CACNG7: variants seen among roughly 807,000 people sequenced by gnomAD.
The protein encoded by CACNG7 is calcium voltage-gated channel auxiliary subunit gamma 7.
Under a neutral mutation model 26.3 loss-of-function variants are expected in CACNG7, and 9 were observed. The observed-to-expected ratio is 0.34, with a 90% CI of 0.21 to 0.60. The LOEUF (loss-of-function observed/expected upper bound fraction) is 0.60, where lower values mean the gene tolerates loss of function less well. Among genes scored for constraint, CACNG7 ranks in the 20% least tolerant of loss-of-function variants. The probability of loss-of-function intolerance (pLI) is 0.81; values close to 1 mark genes in which losing one functional copy is unlikely to be tolerated. For synonymous variants in CACNG7, 170 were observed against 157.0 expected (o/e 1.08, Z -0.62); for missense variants, 297 against 380.4 (o/e 0.78, Z 1.82).
At chr19:53,919,024 C>T (rs1013342009) in intron 4 of CACNG7, among the ~76,000 whole-genome samples, 3 of 152,218 alleles carry the variant, frequency 2.0e-5, no homozygotes, top group African/African-American at 7.2e-5. Context: ...CCCGCCTCGG[C>T]CTCCCGAAGT....
intron 1 of CACNG7, among the ~76,000 whole-genome samples, chr19:53,910,298 G>A (rs1033495459): frequency 1.3e-5 from 2 of 151,442 alleles, no homozygotes; most frequent in African/African-American, 4.9e-5. Context: ...CGCCAGGCGG[G>A]GGATGGGAGG....
Position 53,912,992 on chromosome 19 carries a change from T to G in CACNG7, c.161T>G (p.Leu54Arg). ...CAGACCACCGAGGTCAAGATGGCCCTGCACGCCGGCCTCTGGCGAGTCTGC... is the reference window on the plus strand; with the variant it reads ...CAGACCACCGAGGTCAAGATGGCCCGGCACGCCGGCCTCTGGCGAGTCTGC... ...QNQTTEVKMA[L>R]HAGLWRVCFF... Residue 54 changes from leucine to arginine, a missense_variant, in exon 2 of 6, where the codon CTG (leucine) becomes CGG (arginine). By Grantham distance (102) the Leu-to-Arg change is moderately radical. Transcript: ENST00000391767. The surrounding 1 kb of genome is among the most constrained non-coding windows in gnomAD (Gnocchi z 4.6). 1 of 1,612,998 alleles carries G rather than the reference T, an allele frequency of 6.2e-7. No individual in the cohort carries two copies. The highest frequency in any genetic ancestry group is 8.5e-7 in the Non-Finnish European group (1 of 1,179,146).
In CACNG7 at chr19:53,942,418, T is replaced by A; in HGVS notation, c.*125T>A. On this transcript the variant is annotated 3_prime_UTR_variant, in exon 6 of 6. Coordinates refer to ENST00000391767, the MANE Select transcript of CACNG7 (RefSeq NM_031896.5). The surrounding 1 kb of genome is among the most constrained non-coding windows in gnomAD (Gnocchi z 5.9). ...CCCACCCGGAGGAGGCTGCGCCAGCTTTAGGCCCCGCCCTCCTCCCAATGG... is the reference window on the plus strand; with the variant it reads ...CCCACCCGGAGGAGGCTGCGCCAGCATTAGGCCCCGCCCTCCTCCCAATGG... 2 of 1,501,330 alleles carry A rather than the reference T, an allele frequency of 1.3e-6. No individual in the cohort carries two copies. Among genetic ancestry groups the A allele is most frequent in the Non-Finnish European group, 1.8e-6 (2 of 1,130,422 alleles). 93.0% of individuals were successfully genotyped at this position (1,501,330 alleles called of 1,614,324 possible). A position where few individuals can be genotyped will look rare whatever the true frequency, so the allele number is the denominator to read the frequency against.
At chr19:53,926,849 G>T (rs2069034863) in intron 4 of CACNG7, among the ~76,000 whole-genome samples, 1 of 152,190 alleles carries the variant, frequency 6.6e-6, no homozygotes, top group South Asian at 2.1e-4. Context: ...GAAGGTGAAG[G>T]CTGCACTAAG....
At chr19:53,924,502 C>G (rs1266931134) in intron 4 of CACNG7, among the ~76,000 whole-genome samples, 1 of 148,238 alleles carries the variant, frequency 6.7e-6, no homozygotes, top group Non-Finnish European at 1.5e-5. Context: ...GGAGTTGTCC[C>G]CAGGCCTGGT....
At chr19:53,935,616 C>T (rs998484433) in intron 4 of CACNG7, among the ~76,000 whole-genome samples, 1 of 150,466 alleles carries the variant, frequency 6.6e-6, no homozygotes, top group Non-Finnish European at 1.5e-5. Context: ...AGCCACCGCC[C>T]CCACCCTCCA....
rs1433460506 is a variant in CACNG7 at position 53,940,984 on chromosome 19, C to T, written c.425-486C>T. ...GCTGAGGCAGGAGAATCGCTTGAAC[C>T]TGGGAGGTTGAAGGTTGCGGTGAGC... On this transcript the variant is annotated intron_variant, in intron 4 of 5. Transcript: ENST00000391767. The surrounding 1 kb of genome is among the most constrained non-coding windows in gnomAD (Gnocchi z 4.1). Among the ~76,000 whole-genome samples, 2 of 151,806 alleles carry T rather than the reference C, an allele frequency of 1.3e-5. No homozygotes were observed. The highest frequency in any genetic ancestry group is 2.9e-5 in the Non-Finnish European group (2 of 67,958).
intron 4 of CACNG7, among the ~76,000 whole-genome samples, chr19:53,917,313 T>C (rs1000829273): frequency 6.6e-6 from 1 of 152,220 alleles, no homozygotes; most frequent in African/African-American, 2.4e-5. Context: ...CAGGTTCTTG[T>C]AATTCAGTTG....
chr19:53,924,338 G>C (rs1269001867), intron 4 of CACNG7, among the ~76,000 whole-genome samples: 137 of 101,742 alleles, frequency 1.3e-3, no homozygotes, highest in African/African-American at 5.5e-3. Flanking sequence ...TGGACTTGCC[G>C]CAGGTCTGGT....
At chr19:53,938,085 G>A (rs1009315434) in intron 4 of CACNG7, among the ~76,000 whole-genome samples, 23 of 152,038 alleles carry the variant, frequency 1.5e-4, no homozygotes, top group African/African-American at 5.3e-4. Flanking sequence ...GGTGGCTCAC[G>A]CTTGTAATCC....
rs74209854 is a variant in CACNG7 at position 53,923,108 on chromosome 19, T to C, written c.424+7603T>C. On this transcript the variant is annotated intron_variant, in intron 4 of 5. Coordinates refer to ENST00000391767, the MANE Select transcript of CACNG7 (RefSeq NM_031896.5). ...GGTGGAGTTGTCCCAGGCTGGTCAT[T>C]GGTGGAGTTGCCCCAGGTCTGGTCA... Among the ~76,000 whole-genome samples, 986 of 104,388 alleles carry C rather than the reference T, an allele frequency of 9.4e-3. 7 individuals carry two copies. Among genetic ancestry groups the C allele is most frequent in the Middle Eastern group, 0.019 (3 of 162 alleles). 68.5% of individuals were successfully genotyped at this position (104,388 alleles called of 152,430 possible). A position where few individuals can be genotyped will look rare whatever the true frequency, so the allele number is the denominator to read the frequency against.
intron 4 of CACNG7, among the ~76,000 whole-genome samples, chr19:53,922,663 TCCCAGGCTGGTCATTGGTGGAGTTGC>T (rs2068971621): frequency 1.6e-5 from 1 of 64,474 alleles, no homozygotes; most frequent in Non-Finnish European, 2.5e-5. Flanking sequence ...GGTGCAGTTG[TCCCAGGCTGGTCATTGGTGGAGTTGC>T]CCCAGGTCTG....
intron 4 of CACNG7, among the ~76,000 whole-genome samples, chr19:53,922,537 G>C (rs1483103989): frequency 2.5e-5 from 2 of 78,492 alleles, no homozygotes; most frequent in African/African-American, 9.2e-5. Context: ...GTCCCAGGCT[G>C]GTCATTGGTG....
At chr19:53,931,340 C>G (rs1402877944) in intron 4 of CACNG7, among the ~76,000 whole-genome samples, 1 of 152,074 alleles carries the variant, frequency 6.6e-6, no homozygotes, top group Non-Finnish European at 1.5e-5. Context: ...TTTTATAACT[C>G]TTTCCCTAGA....
chr19:53,913,785 T>TAAAAAA (rs58238779), intron 2 of CACNG7, among the ~76,000 whole-genome samples: 2 of 94,034 alleles, frequency 2.1e-5, no homozygotes, highest in South Asian at 3.7e-4. Flanking sequence ...CCCAGTCTCT[T>TAAAAAA]AAAAAAAAAA....
rs111799778 is a variant in CACNG7, at chr19:53,941,982, G to A, written c.571-54G>A. The A allele has an allele frequency of 4.9e-5, 74 of 1,514,242 alleles. No homozygotes were observed. The African/African-American group carries it at 7.4e-4, about 15-fold the overall frequency. 93.8% of individuals were successfully genotyped at this position (1,514,242 alleles called of 1,614,324 possible). Reference sequence around the variant, plus strand: ...CTGGAGTGAGAGGAGATGAGTCGGGGTCCGGGGATGCGCAGGGGGGCGCCC... The same window carrying A: ...CTGGAGTGAGAGGAGATGAGTCGGGATCCGGGGATGCGCAGGGGGGCGCCC... On this transcript the variant is annotated intron_variant, in intron 5 of 5. Coordinates refer to ENST00000391767, the MANE Select transcript of CACNG7 (RefSeq NM_031896.5).
chr19:53,912,776 C>G lies in CACNG7; in HGVS notation c.-29-27C>G. The G allele has an allele frequency of 6.3e-7, 1 of 1,581,424 alleles. No homozygotes were observed. The highest frequency in any genetic ancestry group is 8.6e-7 in the Non-Finnish European group (1 of 1,159,640). ...AAGCACTCTGGTCGGTCCCATGGAG[C>G]TCTGCACTGTAGCTTCCCTTCCACA... On this transcript the variant is annotated intron_variant, in intron 1 of 5. Coordinates refer to ENST00000391767, the MANE Select transcript of CACNG7 (RefSeq NM_031896.5). The surrounding 1 kb of genome is among the most constrained non-coding windows in gnomAD (Gnocchi z 4.6).
chr19:53,920,930 G>A (rs558984542), intron 4 of CACNG7, among the ~76,000 whole-genome samples: 1,681 of 115,924 alleles, frequency 0.015, 144 homozygotes, highest in African/African-American at 0.062. Flanking sequence ...TCTGGTCATT[G>A]GTGGACTTGC....
intron 4 of CACNG7, among the ~76,000 whole-genome samples, chr19:53,924,538 G>T (rs186450183): frequency 6.8e-6 from 1 of 146,294 alleles, no homozygotes; most frequent in African/African-American, 2.6e-5. Context: ...CCCAGGTCTG[G>T]TATTGGTGGA....
Sources: allele counts gnomAD v4.1 joint callset (sites outside exome capture counted in the v4.1 genomes callset), GRCh38; gene constraint gnomAD v4.1.1; non-coding constraint Gnocchi (gnomAD v3.1); transcripts MANE v1.5; gene names NCBI Gene and HGNC (gene_info 2026-07-23, HGNC 2026-07-21).